Variants in KIAA0753 observed in about 807,000 individuals in gnomAD.
The protein encoded by KIAA0753 is KIAA0753.
In KIAA0753, 114 loss-of-function variants were observed where a neutral mutation model predicts 116.9. The ratio of observed to expected loss-of-function variants is 0.98; its 90% CI spans 0.84 to 1.14. The LOEUF is 1.14. Among genes scored for constraint, KIAA0753 ranks in the 50% most tolerant of loss-of-function variants. KIAA0753 has a pLI of 0.00. For missense variants in KIAA0753, 1,156 were observed against 1,172.4 expected, an observed-to-expected ratio of 0.99 and a Z score of 0.20; for synonymous variants, 405 against 413.1, an observed-to-expected ratio of 0.98 and a Z score of 0.24.
chr17:6,624,761 C>G lies in KIAA0753; in HGVS notation c.819G>C (p.Gln273His), dbSNP rs1971556886. 1.3e-6 allele frequency: 2 copies of G among 1,556,956 alleles called. No individual in the cohort carries two copies. The highest frequency in any genetic ancestry group is 1.4e-5 in the African/African-American group (1 of 73,614). Residue 273 changes from glutamine to histidine, a missense_variant, in exon 4 of 19, where the codon CAG becomes CAC. Transcript: ENST00000361413. ...CTCCCTGAACTTTTCACACCTGCTGCTGGAGGACGTAGAGCATTCGGGCAG... is the reference window on the plus strand; with the variant it reads ...CTCCCTGAACTTTTCACACCTGCTGGTGGAGGACGTAGAGCATTCGGGCAG... ...ARSARMLYVL[Q>H]QQVKEIQEEL...
At chr17:6,621,937 T>C (rs1278686391) in intron 6 of KIAA0753, among the ~76,000 whole-genome samples, 1 of 151,966 alleles carries the variant, frequency 6.6e-6, no homozygotes, top group African/African-American at 2.4e-5. Context: ...ATGTAACCAA[T>C]GAAAATCACA....
intron 7 of KIAA0753, among the ~76,000 whole-genome samples, chr17:6,619,628 T>C (rs941416169): frequency 1.3e-5 from 2 of 152,190 alleles, no homozygotes; most frequent in Non-Finnish European, 2.9e-5. Context: ...AGTCTACTTA[T>C]GTTGCCCAGG....
chr17:6,627,818 C>T (rs755632016), intron 3 of KIAA0753, among the ~76,000 whole-genome samples: 1 of 152,212 alleles, frequency 6.6e-6, no homozygotes, highest in Non-Finnish European at 1.5e-5. Flanking sequence ...CCCAGAAGAC[C>T]TAAGGTTCAG....
At chr17:6,616,903 T>G (rs530727968) in intron 7 of KIAA0753, among the ~76,000 whole-genome samples, 17 of 152,330 alleles carry the variant, frequency 1.1e-4, no homozygotes, top group African/African-American at 3.6e-4. Flanking sequence ...GACTAAAATC[T>G]AGGTCTCCTT....
chr17:6,633,017 G>A (rs1972100113), intron 2 of KIAA0753, among the ~76,000 whole-genome samples: 2 of 152,100 alleles, frequency 1.3e-5, no homozygotes, highest in Admixed American at 6.5e-5. Flanking sequence ...AAGGTCTGCA[G>A]ATTACATGAT....
intron 11 of KIAA0753, 81 bp from the exon 12 acceptor site, chr17:6,607,043 C>T (rs528226555): frequency 1.5e-5 from 22 of 1,463,752 alleles, no homozygotes; most frequent in East Asian, 9.1e-5. Context: ...TTGGCTCCCC[C>T]CTTGGCTTCT....
intron 2 of KIAA0753, among the ~76,000 whole-genome samples, chr17:6,630,548 T>C (rs1012300304): frequency 7.2e-5 from 11 of 152,146 alleles, no homozygotes; most frequent in African/African-American, 2.7e-4. Flanking sequence ...AAGTATCACA[T>C]TTAACTTTTG....
intron 3 of KIAA0753, among the ~76,000 whole-genome samples, chr17:6,627,369 A>G (rs1191353250): frequency 6.6e-6 from 1 of 152,238 alleles, no homozygotes; most frequent in South Asian, 2.1e-4. Flanking sequence ...GTACATATGC[A>G]TATATTAATT....
At chr17:6,624,570 A>ACACG (rs1971542784) in intron 4 of KIAA0753, among the ~76,000 whole-genome samples, 185 bp downstream of exon 4, 1 of 151,472 alleles carries the variant, frequency 6.6e-6, no homozygotes, top group Non-Finnish European at 1.5e-5. Flanking sequence ...ACACACACAC[A>ACACG]CGCAGATTAC....
At chr17:6,583,247 T>G (rs1222104891) in intron 18 of KIAA0753, among the ~76,000 whole-genome samples, 2 of 152,244 alleles carry the variant, frequency 1.3e-5, no homozygotes, top group East Asian at 3.8e-4. Context: ...CAGTTTCCAC[T>G]GTTTTTGTTT....
chr17:6,620,747 A>G, intron 7 of KIAA0753, 41 bp downstream of exon 7: 1 of 1,586,418 alleles, frequency 6.3e-7, no homozygotes, highest in Non-Finnish European at 8.7e-7. Context: ...GATAATTGTA[A>G]TGAATAAAAT....
chr17:6,615,682 T>C (rs1970876594), intron 7 of KIAA0753, among the ~76,000 whole-genome samples: 1 of 150,312 alleles, frequency 6.7e-6, no homozygotes, highest in Non-Finnish European at 1.5e-5. Flanking sequence ...CTCCCAAGCT[T>C]ATATACATCA....
intron 12 of KIAA0753, among the ~76,000 whole-genome samples, chr17:6,604,279 T>C (rs559035319): frequency 6.6e-6 from 1 of 151,818 alleles, no homozygotes; most frequent in African/African-American, 2.4e-5. Context: ...TCTTGCTCTG[T>C]TGTCCAGGCT....
intron 18 of KIAA0753, among the ~76,000 whole-genome samples, chr17:6,587,730 A>G (rs1178174407): frequency 6.6e-6 from 1 of 152,260 alleles, no homozygotes. Flanking sequence ...ATACCAAAGA[A>G]AAGTCTCAGG....
chr17:6,616,652 CT>C (rs2150861862), intron 7 of KIAA0753, among the ~76,000 whole-genome samples: 1 of 152,258 alleles, frequency 6.6e-6, no homozygotes, highest in East Asian at 1.9e-4. Context: ...TGGTAAAATC[CT>C]ATCTCTACTA....
intron 18 of KIAA0753, among the ~76,000 whole-genome samples, chr17:6,581,190 T>C (rs1340292823): frequency 6.6e-6 from 1 of 152,194 alleles, no homozygotes; most frequent in East Asian, 1.9e-4. Context: ...TTGTCACAGC[T>C]CTTTAGTCTA....
At chr17:6,609,299 C>T (rs1279140494) in intron 9 of KIAA0753, among the ~76,000 whole-genome samples, 2 of 152,214 alleles carry the variant, frequency 1.3e-5, no homozygotes, top group Non-Finnish European at 2.9e-5. Flanking sequence ...ACCTCCTGGT[C>T]CTTTCCATTG....
rs1186277883 is a variant in KIAA0753 at position 6,589,914 on chromosome 17, T to G, written c.2651A>C (p.Glu884Ala). The change falls in exon 18 of 19, where the codon GAA (glutamate) becomes GCA (alanine). Residue 884 changes from glutamate to alanine, a missense_variant. Glu to Ala is a moderately radical substitution (Grantham distance 107). Coordinates refer to ENST00000361413, the MANE Select transcript of KIAA0753 (RefSeq NM_014804.3). ...TGGGACAAAGAGGGGAGCTCGGCCT[T>G]CTTTCTGTTGAGAATCTTCGGCTAG... ...LSLAEDSQQK[E>A]GRAPLFVPPG... is the part of the protein sequence containing the mutation. 1 of 1,613,364 alleles carries G rather than the reference T, an allele frequency of 6.2e-7. No homozygotes were observed.
intron 15 of KIAA0753, 25 bp downstream of exon 15, chr17:6,596,133 C>T: frequency 2.5e-6 from 4 of 1,606,056 alleles, no homozygotes; most frequent in Non-Finnish European, 2.6e-6. Flanking sequence ...TAGCAGCGAA[C>T]CAGACCCGGA....
Sources: allele counts gnomAD v4.1 joint callset (sites outside exome capture counted in the v4.1 genomes callset), GRCh38; gene constraint gnomAD v4.1.1; transcripts MANE v1.5; gene names NCBI Gene and HGNC (gene_info 2026-07-23, HGNC 2026-07-21).